The following CARD14 variants were observed in gnomAD, a reference collection of about 807,000 sequenced individuals.
CARD14 encodes the protein caspase recruitment domain family member 14, also known as caspase recruitment domain-containing protein 14.
CARD14 carries 107 observed loss-of-function variants against 111.5 expected under a neutral mutation model. The observed-to-expected ratio is 0.96, with a 90% CI of 0.82 to 1.13. The LOEUF (loss-of-function observed/expected upper bound fraction) is 1.13, where lower values mean the gene tolerates loss of function less well. Ranked by LOEUF, CARD14 falls within the 50% of genes most tolerant of loss-of-function variation. The pLI, the probability that CARD14 is intolerant of heterozygous loss-of-function variation, is 0.00. For missense variants in CARD14, 1,322 were observed against 1,362.3 expected (o/e 0.97, Z 0.47); for synonymous variants, 617 against 579.6 (o/e 1.06, Z -0.93).
At chr17:80,192,759 T>G in intron 12 of CARD14, 140 bp downstream of exon 12, 1 of 586,420 alleles carries the variant, frequency 1.7e-6, no homozygotes, top group Non-Finnish European at 3.0e-6. Flanking sequence ...AGTTTTATTT[T>G]ATTTTATTTT....
intron 7 of CARD14, among the ~76,000 whole-genome samples, chr17:80,186,179 G>A (rs766532587): frequency 3.9e-5 from 6 of 152,186 alleles, no homozygotes; most frequent in Non-Finnish European, 2.9e-5. Context: ...CCACCTTGCT[G>A]CTGCCCACGG....
At chr17:80,187,276 ACGGGTGC>A (rs1379938487) in intron 7 of CARD14, among the ~76,000 whole-genome samples, 5 of 152,208 alleles carry the variant, frequency 3.3e-5, no homozygotes, top group Non-Finnish European at 7.3e-5. Context: ...CCCCGCTAAG[ACGGGTGC>A]CGGACTTGTT....
At position 80,181,560 on chromosome 17, in the gene CARD14, C is replaced by G; in HGVS notation, c.122C>G (p.Pro41Arg). The change falls in exon 5 of 24, where the codon CCC (proline) becomes CGC (arginine). Residue 41 changes from proline (P) to arginine (R), a missense_variant. Transcript: ENST00000648509. ...VRCICPSRLT[P>R]YLRQAKVLCQ... is the part of the protein sequence containing the mutation. ...TGCATCTGCCCCAGCCGCCTCACCCCCTACCTGCGCCAGGCCAAGGTGCTG... is the reference window on the plus strand; with the variant it reads ...TGCATCTGCCCCAGCCGCCTCACCCGCTACCTGCGCCAGGCCAAGGTGCTG... 3.2e-6 allele frequency: 5 copies of G among 1,568,120 alleles called. No individual in the cohort carries two copies. Among genetic ancestry groups the G allele is most frequent in the Non-Finnish European group, 4.3e-6 (5 of 1,156,810 alleles).
chr17:80,205,485 C>T, intron 21 of CARD14, 46 bp from the exon 22 acceptor site: 1 of 1,564,840 alleles, frequency 6.4e-7, no homozygotes. Context: ...TCCCCCAGAC[C>T]CCCACACAGC....
chr17:80,176,005 G>A (rs2040018019), intron 2 of CARD14, among the ~76,000 whole-genome samples: 1 of 114,258 alleles, frequency 8.8e-6, no homozygotes, highest in Non-Finnish European at 1.7e-5. Context: ...AAACGGGATC[G>A]TGCTATGTTG....
chr17:80,175,216 G>A (rs1249169815), intron 2 of CARD14, among the ~76,000 whole-genome samples: 2 of 151,920 alleles, frequency 1.3e-5, no homozygotes, highest in African/African-American at 2.4e-5. Context: ...GGGCTCAAGC[G>A]ATCTGCCTGC....
At position 80,203,983 on chromosome 17, in the gene CARD14, T is replaced by A; in HGVS notation, c.2283+98T>A. 9.6e-7 allele frequency: 1 copy of A among 1,045,490 alleles called. No individual in the cohort carries two copies. Among genetic ancestry groups the A allele is most frequent in the Non-Finnish European group, 1.4e-6 (1 of 710,332 alleles). 64.8% of individuals were successfully genotyped at this position (1,045,490 alleles called of 1,614,324 possible). A position where few individuals can be genotyped will look rare whatever the true frequency, so the allele number is the denominator to read the frequency against. On this transcript the variant is annotated intron_variant, in intron 19 of 23. Transcript: ENST00000648509. This position sits in a 1 kb window ranked among gnomAD's most constrained non-coding sequence, Gnocchi z 4.6. ...AGGAGGCACTGTGTGGAGAGTGGGC[T>A]GCTGATTGGAGGGTAACCCCACCTG...
chr17:80,208,574 G>C lies in CARD14; in HGVS notation c.*229G>C, dbSNP rs2041483061. ...TGGAAACATCTTCACCCTTTACCAG[G>C]CTTGGCATGGTCTGAACTGGAAACC... On this transcript the variant is annotated 3_prime_UTR_variant, in exon 24 of 24. Transcript: ENST00000648509. The C allele has an allele frequency of 2.1e-6, 1 of 487,542 alleles. No individual in the cohort carries two copies. Among genetic ancestry groups the C allele is most frequent in the African/African-American group, 2.0e-5 (1 of 50,924 alleles). 30.2% of individuals were successfully genotyped at this position (487,542 alleles called of 1,614,324 possible).
intron 2 of CARD14, among the ~76,000 whole-genome samples, chr17:80,174,243 C>A (rs1055589540): frequency 6.6e-6 from 1 of 152,148 alleles, no homozygotes; most frequent in Non-Finnish European, 1.5e-5. Flanking sequence ...GATGGAGTCT[C>A]GGTCTGTCTC....
At chr17:80,175,792 C>T (rs1290958730) in intron 2 of CARD14, among the ~76,000 whole-genome samples, 1 of 151,876 alleles carries the variant, frequency 6.6e-6, no homozygotes, top group African/African-American at 2.4e-5. Context: ...AAGTGGGTGC[C>T]GGTGTCCCAC....
In CARD14 at chr17:80,198,567, G is replaced by A. The variant is rs200102317; in HGVS notation, c.1827G>A (p.Leu609=). The change falls in exon 16 of 24, where the codon TTG becomes TTA. Residue 609 remains leucine, a synonymous_variant. Transcript: ENST00000648509. This position sits in a 1 kb window ranked among gnomAD's most constrained non-coding sequence, Gnocchi z 7.5. Reference sequence around the variant, plus strand: ...GCTCGGCGGCGGACCAGATGGCCTTGCGCCCGGGCACCCAGATTGTGATGG... The same window carrying A: ...GCTCGGCGGCGGACCAGATGGCCTTACGCCCGGGCACCCAGATTGTGATGG... ...TPGSAADQMA[L]RPGTQIVMVD... 1.3e-4 allele frequency: 205 copies of A among 1,612,758 alleles called. No homozygotes were observed. The highest frequency in any genetic ancestry group is 1.5e-4 in the Non-Finnish European group (181 of 1,179,754).
intron 12 of CARD14, among the ~76,000 whole-genome samples, chr17:80,193,201 A>AG (rs1213635050): frequency 2.6e-5 from 4 of 152,244 alleles, no homozygotes; most frequent in Non-Finnish European, 5.9e-5. Flanking sequence ...ATGAGTTTCC[A>AG]GGGGAACCGA....
At position 80,172,925 on chromosome 17, in the gene CARD14, G is replaced by T. The variant is rs1352335149; in HGVS notation, c.-670G>T. ...AGGTAGAGTTTCACTCTGGCTCCTA[G>T]GCTGGAATGCAGTGGCACCATCTCA... On this transcript the variant is annotated 5_prime_UTR_variant, in exon 2 of 24. The change creates a new upstream start codon in the 5' untranslated region. Transcript: ENST00000648509. 8.7e-6 allele frequency: 1 copy of T among 114,956 alleles called. No individual in the cohort carries two copies. The highest frequency in any genetic ancestry group is 3.4e-5 in the African/African-American group (1 of 29,540). The allele number at this position is 114,956 out of a possible 1,614,324, so 7.1% of individuals were successfully genotyped here.
chr17:80,199,516 T>G (rs550237765), intron 16 of CARD14, among the ~76,000 whole-genome samples: 3 of 135,330 alleles, frequency 2.2e-5, no homozygotes, highest in African/African-American at 8.4e-5. Flanking sequence ...GAGCTAAGAT[T>G]GCACCACTGC....
rs74951924 is a variant in CARD14 at position 80,191,403 on chromosome 17, C to A, written c.1170C>A (p.Phe390Leu). The change falls in exon 11 of 24, where the codon TTC becomes TTA. Residue 390 changes from phenylalanine to leucine, a missense_variant. Transcript: ENST00000648509. ...AGGACTCCCTCCGCAGGCAGGTGTTCGAGCTGACGGACCAGGTCTGCGAGC... is the reference window on the plus strand; with the variant it reads ...AGGACTCCCTCCGCAGGCAGGTGTTAGAGCTGACGGACCAGGTCTGCGAGC... ...VEKDSLRRQV[F>L]ELTDQVCELR... 6.8e-6 allele frequency: 11 copies of A among 1,613,642 alleles called. No homozygotes were observed. The highest frequency in any genetic ancestry group is 9.3e-6 in the Non-Finnish European group (11 of 1,179,988).
At position 80,206,959 on chromosome 17, in the gene CARD14, C is replaced by A; in HGVS notation, c.2692-11C>A. 2 of 1,599,156 alleles carry A rather than the reference C, an allele frequency of 1.3e-6. No homozygotes were observed. The highest frequency in any genetic ancestry group is 1.7e-6 in the Non-Finnish European group (2 of 1,168,428). On this transcript the variant is annotated splice_polypyrimidine_tract_variant and intron_variant, in intron 22 of 23. Coordinates refer to ENST00000648509, the MANE Select transcript of CARD14 (RefSeq NM_001366385.1). ...TGATCTTGACTCACTTCTTCTCTCC[C>A]TCCCACAAAGAACACCCATGCCCTC... is the stretch of plus-strand genomic sequence containing the variant.
chr17:80,188,966 G>A lies in CARD14; in HGVS notation c.843+422G>A, dbSNP rs141228620. Reference sequence around the variant, plus strand: ...TTCGGGAGGCTGAGGTGGGAGGATCGCTTGACCCTGGGAGTTTCAGGCTGC... The same window carrying A: ...TTCGGGAGGCTGAGGTGGGAGGATCACTTGACCCTGGGAGTTTCAGGCTGC... On this transcript the variant is annotated intron_variant, in intron 8 of 23. Coordinates refer to ENST00000648509, the MANE Select transcript of CARD14 (RefSeq NM_001366385.1). This position sits in a 1 kb window ranked among gnomAD's most constrained non-coding sequence, Gnocchi z 4.5. 414 of 153,298 alleles carry A rather than the reference G, an allele frequency of 2.7e-3. 1 individual carries two copies. The highest frequency in any genetic ancestry group is 4.4e-3 in the Non-Finnish European group (305 of 68,778). 9.5% of individuals were successfully genotyped at this position (153,298 alleles called of 1,614,324 possible). A position where few individuals can be genotyped will look rare whatever the true frequency, so the allele number is the denominator to read the frequency against.
chr17:80,194,873 AC>A, intron 12 of CARD14, among the ~76,000 whole-genome samples: 1 of 152,186 alleles, frequency 6.6e-6, no homozygotes, highest in East Asian at 1.9e-4. Context: ...GTGGGAACAC[AC>A]GGCCAAACTA....
chr17:80,184,358 C>A, intron 7 of CARD14, 120 bp downstream of exon 7: 1 of 906,570 alleles, frequency 1.1e-6, no homozygotes, highest in Non-Finnish European at 1.5e-6. Flanking sequence ...ACTTCCCTGC[C>A]CCGAGAGCCT....
Sources: allele counts gnomAD v4.1 joint callset (sites outside exome capture counted in the v4.1 genomes callset), GRCh38; gene constraint gnomAD v4.1.1; non-coding constraint Gnocchi (gnomAD v3.1); transcripts MANE v1.5; gene names NCBI Gene and HGNC (gene_info 2026-07-23, HGNC 2026-07-21).